The following UNC13C variants were observed in gnomAD, a reference collection of about 807,000 sequenced individuals.
The protein encoded by UNC13C is protein unc-13 homolog C.
UNC13C carries 174 observed loss-of-function variants against 245.4 expected under a neutral mutation model. The ratio of observed to expected loss-of-function variants is 0.71; its 90% confidence interval spans 0.63 to 0.80. The LOEUF is 0.80. UNC13C is among the 30% of genes least tolerant of loss of function. UNC13C has a pLI of 0.00. For synonymous variants in UNC13C, 992 were observed against 895.1 expected (o/e 1.11, Z -1.93); for missense variants, 2,829 against 2,602.9 (o/e 1.09, Z -1.89).
At chr15:54,424,286 C>T (rs985181874) in intron 19 of UNC13C, among the ~76,000 whole-genome samples, 1 of 151,736 alleles carries the variant, frequency 6.6e-6, no homozygotes, top group African/African-American at 2.4e-5. Context: ...TGATACTCAG[C>T]CAGTGAAAAT....
At chr15:54,289,626 G>C (rs1275676716) in intron 10 of UNC13C, among the ~76,000 whole-genome samples, 1 of 152,138 alleles carries the variant, frequency 6.6e-6, no homozygotes, top group Non-Finnish European at 1.5e-5. Context: ...AGACTACTAG[G>C]TCACTCAAGA....
At chr15:54,230,523 T>C (rs1180045083) in intron 4 of UNC13C, among the ~76,000 whole-genome samples, 1 of 152,074 alleles carries the variant, frequency 6.6e-6, no homozygotes, top group African/African-American at 2.4e-5. Context: ...TATCTAAATA[T>C]GAAGTGTCTT....
chr15:54,138,649 G>A (rs1236743138), intron 2 of UNC13C, among the ~76,000 whole-genome samples: 1 of 151,920 alleles, frequency 6.6e-6, no homozygotes, highest in African/African-American at 2.4e-5. Flanking sequence ...CAATTTTTTG[G>A]TAGTAAATAA....
At chr15:53,893,402 C>G in the UNC13C span, among the ~76,000 whole-genome samples, 1 of 152,202 alleles carries the variant, frequency 6.6e-6, no homozygotes, top group African/African-American at 2.4e-5. Context: ...GTTTGCTGCT[C>G]TCTTCAGAGC....
At chr15:54,465,429 C>G (rs140317892) in intron 19 of UNC13C, among the ~76,000 whole-genome samples, 1 of 151,960 alleles carries the variant, frequency 6.6e-6, no homozygotes, top group Non-Finnish European at 1.5e-5. Context: ...AAATAAGGAT[C>G]TGAGTTATAG....
Position 54,581,330 on chromosome 15 carries a change from A to G in UNC13C, c.6106+13383A>G, listed in dbSNP as rs544760765. Among the ~76,000 whole-genome samples, 3 of 152,374 alleles carry G rather than the reference A, an allele frequency of 2.0e-5. No homozygotes were observed. The East Asian group carries it at 5.8e-4, about 29-fold the overall frequency. Reference sequence around the variant, plus strand: ...TGCTCTCAAAGTATAGTCCCAGAACAGCAGCCTCAGGATTACCTGCTCAGG... The same window carrying G: ...TGCTCTCAAAGTATAGTCCCAGAACGGCAGCCTCAGGATTACCTGCTCAGG... On this transcript the variant is annotated intron_variant, in intron 30 of 32. Transcript: ENST00000260323.
Position 54,013,304 on chromosome 15 carries a change from T to C in UNC13C, c.401T>C (p.Leu134Pro). ...TCCTACTCAGAATCATTAAATGAAC[T>C]AAGGAGTAGCACAGAAAACCAGGCA... ...ESSYSESLNE[L>P]RSSTENQAQS... Residue 134 changes from leucine to proline, a missense_variant, in exon 2 of 33, where the codon CTA becomes CCA. Physicochemically the swap from Leu to Pro is moderately conservative, Grantham distance 98 (BLOSUM62 -3). Coordinates refer to ENST00000260323, the MANE Select transcript of UNC13C (RefSeq NM_001080534.3). 1.2e-6 allele frequency: 2 copies of C among 1,613,696 alleles called. No individual in the cohort carries two copies. The highest frequency in any genetic ancestry group is 1.3e-5 in the African/African-American group (1 of 74,974).
intron 4 of UNC13C, among the ~76,000 whole-genome samples, chr15:54,230,132 A>G (rs1403312118): frequency 1.5e-5 from 1 of 65,722 alleles, no homozygotes; most frequent in African/African-American, 5.8e-5. Flanking sequence ...ATTATATGGT[A>G]GTTCTGTTTT....
chr15:53,999,032 G>A (rs1012394384), intron 1 of UNC13C, among the ~76,000 whole-genome samples: 7 of 151,684 alleles, frequency 4.6e-5, no homozygotes, highest in African/African-American at 9.7e-5. Context: ...TTTCATCTAC[G>A]TTCATGAGGG....
chr15:54,275,104 A>T (rs116911119), intron 10 of UNC13C, among the ~76,000 whole-genome samples: 4,442 of 152,298 alleles, frequency 0.029, 130 homozygotes, highest in Admixed American at 0.072. Context: ...ATTGCATAAA[A>T]AACATCTAAA....
chr15:54,040,434 A>AC (rs1566967949), intron 2 of UNC13C, among the ~76,000 whole-genome samples: 1 of 152,110 alleles, frequency 6.6e-6, no homozygotes, highest in Non-Finnish European at 1.5e-5. Context: ...CCCACCCCAG[A>AC]CCTACTTAAT....
chr15:54,014,780 A>T lies in UNC13C; in HGVS notation c.1877A>T (p.Asp626Val). The T allele has an allele frequency of 6.2e-7, 1 of 1,613,852 alleles. No individual in the cohort carries two copies. The highest frequency in any genetic ancestry group is 8.5e-7 in the Non-Finnish European group (1 of 1,179,830). Residue 626 changes from aspartate (D) to valine (V), a missense_variant, in exon 2 of 33, where the codon GAT (aspartate) becomes GTT (valine). Transcript: ENST00000260323. ...GAAACTGAAAACACAGAAACTGTGG[A>T]TAGTGGAATGAGTAATGGCATGGTG... Reference protein sequence around the residue: ...QTETENTETVDSGMSNGMVCA... With the variant: ...QTETENTETVVSGMSNGMVCA...
chr15:54,354,884 T>C (rs2039059277), intron 17 of UNC13C, among the ~76,000 whole-genome samples: 1 of 152,220 alleles, frequency 6.6e-6, no homozygotes, highest in African/African-American at 2.4e-5. Context: ...GATGTGGCAG[T>C]ATTGACAGAT....
intron 17 of UNC13C, among the ~76,000 whole-genome samples, chr15:54,339,508 A>T (rs2038676061): frequency 6.6e-6 from 1 of 152,114 alleles, no homozygotes; most frequent in African/African-American, 2.4e-5. Flanking sequence ...ATGAGTGAAA[A>T]CATACAATGT....
At chr15:54,012,009 T>C (rs1413640925) in intron 1 of UNC13C, among the ~76,000 whole-genome samples, 1 of 152,242 alleles carries the variant, frequency 6.6e-6, no homozygotes, top group African/African-American at 2.4e-5. Context: ...ATTTCACTGA[T>C]AAAATATTAA....
chr15:54,236,542 G>A lies in UNC13C; in HGVS notation c.3156+107G>A, dbSNP rs906884182. Reference sequence around the variant, plus strand: ...GCAAGAATGGAGAAATGAAAAGACAGACATACAAGAATAAGAAGTTTGTTC... The same window carrying A: ...GCAAGAATGGAGAAATGAAAAGACAAACATACAAGAATAAGAAGTTTGTTC... On this transcript the variant is annotated intron_variant, in intron 6 of 32. Transcript: ENST00000260323. The A allele has an allele frequency of 5.9e-6, 5 of 844,946 alleles. No homozygotes were observed. In the East Asian group the frequency reaches 1.3e-4, roughly 22 times the overall value. 52.3% of individuals were successfully genotyped at this position (844,946 alleles called of 1,614,324 possible).
intron 4 of UNC13C, among the ~76,000 whole-genome samples, chr15:54,157,730 T>C (rs1466284190): frequency 6.6e-6 from 1 of 152,198 alleles, no homozygotes; most frequent in African/African-American, 2.4e-5. Context: ...CAAAACAGCA[T>C]GGTACTGGTA....
chr15:54,601,671 C>T (rs1413063183), intron 30 of UNC13C, among the ~76,000 whole-genome samples: 5 of 152,058 alleles, frequency 3.3e-5, no homozygotes, highest in Admixed American at 2.0e-4. Flanking sequence ...GCTTTTTTCC[C>T]TTTGGGGACC....
chr15:54,190,791 G>T (rs1448265409), intron 4 of UNC13C, among the ~76,000 whole-genome samples: 2 of 151,706 alleles, frequency 1.3e-5, no homozygotes, highest in Non-Finnish European at 2.9e-5. Context: ...ACATTTTATT[G>T]TTTGAACCAT....
Sources: gnomAD v4.1 joint callset for allele counts (sites outside exome capture counted in the v4.1 genomes callset) on GRCh38, gnomAD v4.1.1 for gene constraint, MANE v1.5 for transcripts, NCBI Gene and HGNC (gene_info 2026-07-23, HGNC 2026-07-21) for gene names.